Variants in ACCS observed in about 807,000 individuals in gnomAD.
ACCS encodes 1-aminocyclopropane-1-carboxylate synthase-like protein 1.
ACCS carries 42 observed loss-of-function variants against 59.8 expected under a neutral mutation model. That is an observed-to-expected ratio of 0.70 (90% CI 0.55 to 0.91). ACCS has a LOEUF of 0.91. ACCS is among the 40% of genes least tolerant of loss of function. ACCS has a pLI of 0.00. For synonymous variants in ACCS, 230 were observed against 240.3 expected (o/e 0.96, Z 0.40); for missense variants, 602 against 630.4 (o/e 0.95, Z 0.48).
chr11:44,070,186 A>T (rs986370172), intron 2 of ACCS, among the ~76,000 whole-genome samples: 2 of 152,138 alleles, frequency 1.3e-5, no homozygotes, highest in African/African-American at 4.8e-5. Context: ...GTGGAATAGG[A>T]GGTATTCAAA....
rs1379085975 is a variant in ACCS at position 44,074,826 on chromosome 11, T to A, written c.489+145T>A. 18 of 351,126 alleles carry A rather than the reference T, an allele frequency of 5.1e-5. No individual in the cohort carries two copies. In the South Asian group the frequency reaches 1.0e-3, roughly 20 times the overall value. 21.8% of individuals were successfully genotyped at this position (351,126 alleles called of 1,614,324 possible). ...TCCTTCCTTCTCTTTTTTTTTTTTT[T>A]ATTTTTTTTATTTTTTCAGACTGAC... On this transcript the variant is annotated intron_variant, in intron 5 of 14. Transcript: ENST00000263776.
In ACCS at chr11:44,083,413, C is replaced by T; in HGVS notation, c.1255-11C>T. ...TCTCAGCTATGTCCTGAGCCCCTTC[C>T]ACCCTCTCAGTACCTGCCCAAGGGC... On this transcript the variant is annotated splice_polypyrimidine_tract_variant and intron_variant, in intron 13 of 14. Transcript: ENST00000263776. 1 of 1,614,114 alleles carries T rather than the reference C, an allele frequency of 6.2e-7. No homozygotes were observed. Among genetic ancestry groups the T allele is most frequent in the Non-Finnish European group, 8.5e-7 (1 of 1,179,992 alleles).
At chr11:44,076,248 G>A (rs778588348) in intron 6 of ACCS, among the ~76,000 whole-genome samples, 1 of 152,216 alleles carries the variant, frequency 6.6e-6, no homozygotes, top group East Asian at 1.9e-4. Flanking sequence ...GTTATTGGTT[G>A]CAAGGAAAAG....
chr11:44,078,821 G>A (rs1387264014), intron 9 of ACCS, 37 bp downstream of exon 9: 1 of 1,586,190 alleles, frequency 6.3e-7, no homozygotes, highest in Non-Finnish European at 8.6e-7. Context: ...AGAGCGTCTG[G>A]GCAGCCTGGG....
chr11:44,074,930 T>C (rs1349168157), intron 5 of ACCS, among the ~76,000 whole-genome samples: 1 of 151,602 alleles, frequency 6.6e-6, no homozygotes, highest in Non-Finnish European at 1.5e-5. Flanking sequence ...GTTTAAGTGA[T>C]TCTCTTGCCT....
At position 44,071,588 on chromosome 11, in the gene ACCS, G is replaced by A. The variant is rs2134827783; in HGVS notation, c.348+273G>A. 1.3e-5 allele frequency: 5 copies of A among 383,400 alleles called. No homozygotes were observed. The South Asian group carries it at 2.4e-4, about 18-fold the overall frequency. The allele number at this position is 383,400 out of a possible 1,614,324, so 23.7% of individuals were successfully genotyped here. On this transcript the variant is annotated intron_variant, in intron 3 of 14. Coordinates refer to ENST00000263776, the MANE Select transcript of ACCS (RefSeq NM_032592.4). ...CCCTGATCTCAGAGGGAAACACTCA[G>A]TGCTTTGTGGTGTAGGTATTTAGCA...
chr11:44,067,412 G>C, intron 1 of ACCS: 1 of 533,212 alleles, frequency 1.9e-6, no homozygotes. Flanking sequence ...AATGTGGCAA[G>C]TGCAGTCCCT....
Position 44,071,299 on chromosome 11 carries a change from A to T in ACCS, c.332A>T (p.Asp111Val). 8 of 1,613,976 alleles carry T rather than the reference A, an allele frequency of 5.0e-6. No homozygotes were observed. Among genetic ancestry groups the T allele is most frequent in the Non-Finnish European group, 6.8e-6 (8 of 1,179,948 alleles). Residue 111 changes from aspartate (D) to valine (V), a missense_variant, in exon 3 of 15, where the codon GAC (aspartate) becomes GTC (valine). By Grantham distance (152) the Asp-to-Val change is radical. Coordinates refer to ENST00000263776, the MANE Select transcript of ACCS (RefSeq NM_032592.4). Reference protein sequence around the residue: ...LGTSENKLCFDLLSWRLSQRD... With the variant: ...LGTSENKLCFVLLSWRLSQRD... ...ACCAGTGAGAACAAACTCTGCTTTG[A>T]CCTGCTGTCCTGGCGGGTAAGTCCT...
rs1453599909 is a variant in ACCS, at chr11:44,077,371, A to G, written c.649A>G (p.Ser217Gly). 2 of 1,614,084 alleles carry G rather than the reference A, an allele frequency of 1.2e-6. No homozygotes were observed. The highest frequency in any genetic ancestry group is 3.3e-5 in the Admixed American group (2 of 60,012). The change falls in exon 7 of 15, where the codon AGT (serine) becomes GGT (glycine). Residue 217 changes from serine to glycine, a missense_variant. Transcript: ENST00000263776. ...NIRLAYVYLD[S>G]EVTGLDTRPF... ...CCGGCTGGCCTATGTCTACCTGGACAGTGAGGTAAGAGTCTTGACTTCCTA... is the reference window on the plus strand; with the variant it reads ...CCGGCTGGCCTATGTCTACCTGGACGGTGAGGTAAGAGTCTTGACTTCCTA...
At chr11:44,073,398 C>A in intron 3 of ACCS, 49 bp from the exon 4 acceptor site, 1 of 1,487,622 alleles carries the variant, frequency 6.7e-7, no homozygotes, top group Non-Finnish European at 9.3e-7. Context: ...GCTGTGGATG[C>A]TGGTAGCAGT....
chr11:44,066,470 C>A lies in ACCS; in HGVS notation c.-232C>A, dbSNP rs963763540. The A allele has an allele frequency of 8.5e-5, 13 of 152,360 alleles. No homozygotes were observed. Among genetic ancestry groups the A allele is most frequent in the African/African-American group, 2.9e-4 (12 of 41,486 alleles). The allele number at this position is 152,360 out of a possible 1,614,324, so 9.4% of individuals were successfully genotyped here. A position where few individuals can be genotyped will look rare whatever the true frequency, so the allele number is the denominator to read the frequency against. ...AAACCTGGAGCCGTCTCTCGCGAGA[C>A]GTCCTCCGCCCTGTAGAAGGCCGTT... On this transcript the variant is annotated 5_prime_UTR_variant, in exon 1 of 15. Coordinates refer to ENST00000263776, the MANE Select transcript of ACCS (RefSeq NM_032592.4).
chr11:44,072,825 G>A (rs1272715524), intron 3 of ACCS, among the ~76,000 whole-genome samples: 2 of 152,168 alleles, frequency 1.3e-5, no homozygotes, highest in Admixed American at 1.3e-4. Flanking sequence ...AAGGGAGAGA[G>A]GGCAAAGGCT....
In ACCS at chr11:44,074,616, C is replaced by A. The variant is rs538858839; in HGVS notation, c.424C>A (p.Arg142=). Residue 142 remains arginine, a synonymous_variant, in exon 5 of 15, where the codon CGG becomes AGG. Transcript: ENST00000263776. ...YADWRGHLFL[R]EEVAKFLSFY... ...GTCTTTTTGTCTTATCTTCAGCCTC[C>A]GGGAGGAAGTGGCCAAGTTCCTGTC... 6.2e-7 allele frequency: 1 copy of A among 1,613,520 alleles called. No individual in the cohort carries two copies. Among genetic ancestry groups the A allele is most frequent in the South Asian group, 1.1e-5 (1 of 90,998 alleles).
intron 8 of ACCS, 120 bp downstream of exon 8, chr11:44,078,042 A>T: frequency 4.0e-6 from 5 of 1,265,722 alleles, no homozygotes; most frequent in Non-Finnish European, 5.4e-6. Context: ...ATTGGGACAG[A>T]CAGGTAGGGT....
intron 6 of ACCS, chr11:44,075,856 C>T (rs1011007710): frequency 6.1e-5 from 27 of 442,596 alleles, no homozygotes; most frequent in Non-Finnish European, 8.6e-5. Flanking sequence ...CGCGTCCTCA[C>T]GTGACAGTGT....
In ACCS at chr11:44,073,498, G is replaced by A. The variant is rs1234783547; in HGVS notation, c.400G>A (p.Asp134Asn). ...RVEPSLLQYA[D>N]WRGHLFLREE... Reference sequence around the variant, plus strand: ...GGAGCCATCCCTGCTGCAGTATGCTGACTGGAGGGGACATCTGTTGTAAGT... The same window carrying A: ...GGAGCCATCCCTGCTGCAGTATGCTAACTGGAGGGGACATCTGTTGTAAGT... The change falls in exon 4 of 15, where the codon GAC becomes AAC. Residue 134 changes from aspartate (D) to asparagine (N), a missense_variant. Asp to Asn is a conservative substitution (Grantham distance 23). Transcript: ENST00000263776. 3.1e-6 allele frequency: 5 copies of A among 1,608,648 alleles called. No individual in the cohort carries two copies. The Admixed American group carries it at 5.0e-5, about 16-fold the overall frequency.
chr11:44,078,815 C>T lies in ACCS; in HGVS notation c.833+31C>T, dbSNP rs374939957. The T allele has an allele frequency of 6.0e-5, 95 of 1,588,794 alleles. No individual in the cohort carries two copies. The African/African-American group carries it at 9.1e-4, about 15-fold the overall frequency. On this transcript the variant is annotated intron_variant, in intron 9 of 14. Coordinates refer to ENST00000263776, the MANE Select transcript of ACCS (RefSeq NM_032592.4). ...GCACCCCACACTGGCCCCGACAGAG[C>T]GTCTGGGCAGCCTGGGGTTCCAATG... is the stretch of plus-strand genomic sequence containing the variant.
intron 6 of ACCS, 102 bp downstream of exon 6, chr11:44,075,694 C>A: frequency 7.2e-7 from 1 of 1,382,048 alleles, no homozygotes; most frequent in Non-Finnish European, 1.0e-6. Context: ...CTTTCGGGCA[C>A]AATAGAATAT....
chr11:44,077,098 A>G (rs1953399665), intron 6 of ACCS, among the ~76,000 whole-genome samples, 181 bp from the exon 7 acceptor site: 1 of 152,214 alleles, frequency 6.6e-6, no homozygotes, highest in Admixed American at 6.5e-5. Flanking sequence ...GCCAAACCAT[A>G]TCAGGGGCTG....
Sources: allele counts gnomAD v4.1 joint callset (sites outside exome capture counted in the v4.1 genomes callset), GRCh38; gene constraint gnomAD v4.1.1; transcripts MANE v1.5; gene names NCBI Gene and HGNC (gene_info 2026-07-23, HGNC 2026-07-21).